The following SPECC1 variants were observed in gnomAD, a reference collection of about 807,000 sequenced individuals.
SPECC1 encodes the protein cytospin-B.
A neutral mutation model predicts 104.1 loss-of-function variants in SPECC1; 62 were observed. The ratio of observed to expected loss-of-function variants is 0.60; its 90% confidence interval spans 0.49 to 0.74. The LOEUF (loss-of-function observed/expected upper bound fraction) is 0.74. SPECC1 is among the 30% of genes least tolerant of loss of function. SPECC1 has a pLI of 0.00. For synonymous variants in SPECC1, 513 were observed against 501.6 expected (o/e 1.02, Z -0.30); for missense variants, 1,306 against 1,310.5 (o/e 1.00, Z 0.05).
At position 20,123,789 on chromosome 17, in the gene SPECC1, A is replaced by G. The variant is rs931803230; in HGVS notation, c.283+13227A>G. Among the ~76,000 whole-genome samples, 10 of 152,180 alleles carry G rather than the reference A, an allele frequency of 6.6e-5. 1 individual carries two copies. The highest frequency in any genetic ancestry group is 4.4e-5 in the Non-Finnish European group (3 of 68,034). ...CGGTGACTAGCATTCTTTGCTCACT[A>G]TGTGCTAACCACTGTTCTCAGTGTG... is the stretch of plus-strand genomic sequence containing the variant. On this transcript the variant is annotated intron_variant, in intron 3 of 14. Transcript: ENST00000395527.
At chr17:20,230,366 A>G (rs138628908) in intron 5 of SPECC1, among the ~76,000 whole-genome samples, 315 of 152,358 alleles carry the variant, frequency 2.1e-3, no homozygotes, top group Middle Eastern at 6.8e-3. Context: ...CATGACATGT[A>G]GTAGAACTGC....
At position 20,110,458 on chromosome 17, in the gene SPECC1, A is replaced by G; in HGVS notation, c.179A>G (p.Asn60Ser). The change falls in exon 3 of 15, where the codon AAC becomes AGC. Residue 60 changes from asparagine (N) to serine (S), a missense_variant. By Grantham distance (46) the Asn-to-Ser change is conservative (BLOSUM62 1). Around this residue, in one of 2 missense-constraint regions of SPECC1, gnomAD observed 1,177 missense variants for 1,139.9 expected, o/e 1.03. Coordinates refer to ENST00000395527, the MANE Select transcript of SPECC1 (RefSeq NM_001243439.2). Reference protein sequence around the residue: ...LKRASSEDTLNKPGSTAASGV... With the variant: ...LKRASSEDTLSKPGSTAASGV... ...AGGGCCAGCAGTGAGGACACGCTCA[A>G]CAAGCCAGGAAGTACCGCTGCATCG... The G allele has an allele frequency of 1.2e-6, 2 of 1,613,842 alleles. No homozygotes were observed. Among genetic ancestry groups the G allele is most frequent in the Non-Finnish European group, 1.7e-6 (2 of 1,179,870 alleles).
At position 20,022,092 on chromosome 17, in the gene SPECC1, C is replaced by T. The variant is rs954574217; in HGVS notation, c.-22+12668C>T. 5.3e-5 allele frequency among the ~76,000 whole-genome samples: 8 copies of T among 151,688 alleles called. No homozygotes were observed. In the East Asian group the frequency reaches 1.4e-3, roughly 26 times the overall value. Reference sequence around the variant, plus strand: ...GAGTAGCTGGGACTACTGGTGCCCACCACTACGCCTGGCTAATTTTTTGTG... The same window carrying T: ...GAGTAGCTGGGACTACTGGTGCCCATCACTACGCCTGGCTAATTTTTTGTG... On this transcript the variant is annotated intron_variant, in intron 1 of 14. Coordinates refer to ENST00000395527, the MANE Select transcript of SPECC1 (RefSeq NM_001243439.2).
At chr17:20,239,993 G>C (rs552514634) in intron 7 of SPECC1, among the ~76,000 whole-genome samples, 1 of 137,300 alleles carries the variant, frequency 7.3e-6, no homozygotes, top group East Asian at 2.2e-4. Context: ...TCCTGGACTT[G>C]AGCAGTCCTC....
intron 13 of SPECC1, among the ~76,000 whole-genome samples, chr17:20,304,088 A>G (rs2041680606): frequency 1.4e-5 from 2 of 148,050 alleles, no homozygotes; most frequent in South Asian, 2.2e-4. Context: ...CCTGGTCAAC[A>G]TGACGAAACC....
intron 4 of SPECC1, among the ~76,000 whole-genome samples, chr17:20,225,710 G>A (rs890918157): frequency 6.6e-6 from 1 of 152,182 alleles, no homozygotes; most frequent in African/African-American, 2.4e-5. Context: ...GATATGATGT[G>A]TTAAAACCAG....
In SPECC1 at chr17:20,162,864, C is replaced by A. The variant is rs2033296548; in HGVS notation, c.284-41469C>A. On this transcript the variant is annotated intron_variant, in intron 3 of 14. Coordinates refer to ENST00000395527, the MANE Select transcript of SPECC1 (RefSeq NM_001243439.2). ...CCAACATGGAGAAGCCTTGTCTCTACTGAAAAATACAAAATTAGCCAGGCA... is the reference window on the plus strand; with the variant it reads ...CCAACATGGAGAAGCCTTGTCTCTAATGAAAAATACAAAATTAGCCAGGCA... Among the ~76,000 whole-genome samples, 4 of 152,274 alleles carry A rather than the reference C, an allele frequency of 2.6e-5. No individual in the cohort carries two copies. The South Asian group carries it at 8.3e-4, about 32-fold the overall frequency.
At position 20,156,720 on chromosome 17, in the gene SPECC1, G is replaced by A. The variant is rs572640963; in HGVS notation, c.283+46158G>A. Among the ~76,000 whole-genome samples, 13 of 152,296 alleles carry A rather than the reference G, an allele frequency of 8.5e-5. No individual in the cohort carries two copies. In the South Asian group the frequency reaches 2.7e-3, roughly 32 times the overall value. Reference sequence around the variant, plus strand: ...CCAGAATAGTCCGTGCTTGTTCTGGGGTGTCGGGCGCGCCTCTGGTTATCC... The same window carrying A: ...CCAGAATAGTCCGTGCTTGTTCTGGAGTGTCGGGCGCGCCTCTGGTTATCC... On this transcript the variant is annotated intron_variant, in intron 3 of 14. Transcript: ENST00000395527.
rs745893309 is a variant in SPECC1, at chr17:20,104,740, C to CAA, written c.148-5662_148-5661dup. ...CTTGGGTGAAAGAGTGAGACTGTCT[C>CAA]AAAAAAAAAAAAAAAAAAAAAAAAA... On this transcript the variant is annotated intron_variant, in intron 2 of 14. Coordinates refer to ENST00000395527, the MANE Select transcript of SPECC1 (RefSeq NM_001243439.2). Among the ~76,000 whole-genome samples, 181 of 57,148 alleles carry CAA rather than the reference C, an allele frequency of 3.2e-3. 3 individuals are homozygous for CAA. The highest frequency in any genetic ancestry group is 5.9e-3 in the African/African-American group (85 of 14,450). The allele number at this position is 57,148 out of a possible 152,430, so 37.5% of individuals were successfully genotyped here. A position where few individuals can be genotyped will look rare whatever the true frequency, so the allele number is the denominator to read the frequency against.
At chr17:20,118,889 G>C (rs1194066206) in intron 3 of SPECC1, among the ~76,000 whole-genome samples, 1 of 152,026 alleles carries the variant, frequency 6.6e-6, no homozygotes, top group African/African-American at 2.4e-5. Flanking sequence ...GCCATTTGTT[G>C]GTGGATTTTT....
chr17:20,308,823 AAGG>A (rs1189952300), intron 14 of SPECC1, among the ~76,000 whole-genome samples: 3 of 152,212 alleles, frequency 2.0e-5, no homozygotes, highest in African/African-American at 7.2e-5. Flanking sequence ...CAACAAAACT[AAGG>A]AGTACCAACA....
chr17:20,317,542 A>T lies in SPECC1; in HGVS notation c.*3477A>T. The stretch of plus-strand genomic sequence containing the variant: ...CCAAAGTGCTGGGACTACAGGGGTA[A>T]GCCACCGCGCCTGGCCCAAAATTTT... On this transcript the variant is annotated 3_prime_UTR_variant, in exon 15 of 15. Coordinates refer to ENST00000395527, the MANE Select transcript of SPECC1 (RefSeq NM_001243439.2). 5.3e-6 allele frequency: 1 copy of T among 187,776 alleles called. No homozygotes were observed. The highest frequency in any genetic ancestry group is 1.1e-5 in the Non-Finnish European group (1 of 89,158). The allele number at this position is 187,776 out of a possible 1,614,324, so 11.6% of individuals were successfully genotyped here.
chr17:20,260,166 T>TA (rs1189948553), intron 11 of SPECC1, 26 bp from the exon 12 acceptor site: 2 of 1,582,668 alleles, frequency 1.3e-6, no homozygotes, highest in East Asian at 2.2e-5. Flanking sequence ...ATCTTCTCCT[T>TA]ACCATGTGCT....
At chr17:20,174,001 C>T (rs1221265562) in intron 3 of SPECC1, among the ~76,000 whole-genome samples, 1 of 150,150 alleles carries the variant, frequency 6.7e-6, no homozygotes, top group African/African-American at 2.5e-5. Flanking sequence ...GGTGTGATCT[C>T]GGCTCACTGC....
chr17:20,264,322 A>G lies in SPECC1; in HGVS notation c.2940+4028A>G, dbSNP rs76724337. Among the ~76,000 whole-genome samples the G allele has an allele frequency of 3.0e-3, 456 of 152,052 alleles. 19 individuals are homozygous for G. The East Asian group carries it at 0.085, about 28-fold the overall frequency. Reference sequence around the variant, plus strand: ...ATTGCTTGATGCTGAGGCTTGAGTTATGGGTCCCGTCACCCAGGTAGTAAG... The same window carrying G: ...ATTGCTTGATGCTGAGGCTTGAGTTGTGGGTCCCGTCACCCAGGTAGTAAG... On this transcript the variant is annotated intron_variant, in intron 12 of 14. Coordinates refer to ENST00000395527, the MANE Select transcript of SPECC1 (RefSeq NM_001243439.2).
In SPECC1 at chr17:20,205,484, T is replaced by G. The variant is rs1278646306; in HGVS notation, c.1435T>G (p.Phe479Val). The G allele has an allele frequency of 1.2e-6, 2 of 1,614,106 alleles. No homozygotes were observed. Among genetic ancestry groups the G allele is most frequent in the Admixed American group, 1.7e-5 (1 of 60,008 alleles). Residue 479 changes from phenylalanine (F) to valine (V), a missense_variant, in exon 4 of 15, where the codon TTT becomes GTT. By Grantham distance (50) the Phe-to-Val change is conservative (BLOSUM62 -1). Around this residue, in one of 2 missense-constraint regions of SPECC1, gnomAD observed 1,177 missense variants for 1,139.9 expected, o/e 1.03. Coordinates refer to ENST00000395527, the MANE Select transcript of SPECC1 (RefSeq NM_001243439.2). ...CACAGGTATTCTTGAACAGGGCCGC[T>G]TTGAAAGAGAGAAGCTACTCAACAT... ...KCTGILEQGR[F>V]EREKLLNIQQ...
intron 3 of SPECC1, among the ~76,000 whole-genome samples, chr17:20,139,510 G>A (rs1190479985): frequency 1.3e-5 from 2 of 152,030 alleles, no homozygotes; most frequent in South Asian, 2.1e-4. Context: ...CATCATCCTC[G>A]TTTCATTATA....
intron 3 of SPECC1, among the ~76,000 whole-genome samples, chr17:20,116,922 A>G (rs537672762): frequency 6.8e-6 from 1 of 146,948 alleles, no homozygotes; most frequent in Non-Finnish European, 1.5e-5. Flanking sequence ...CCGTCCCTGC[A>G]GTGGAGAGTG....
intron 3 of SPECC1, among the ~76,000 whole-genome samples, chr17:20,181,952 T>G (rs1366618240): frequency 6.6e-6 from 1 of 152,076 alleles, no homozygotes; most frequent in Admixed American, 6.6e-5. Flanking sequence ...GTAGCCTGCT[T>G]AAGAGACTAA....
Sources: gnomAD v4.1 joint callset for allele counts (sites outside exome capture counted in the v4.1 genomes callset) on GRCh38, gnomAD v4.1.1 for gene constraint, gnomAD v4.1.1 regional missense constraint, MANE v1.5 for transcripts, NCBI Gene and HGNC (gene_info 2026-07-23, HGNC 2026-07-21) for gene names.